The following PDE11A variants were observed in gnomAD, a reference collection of about 807,000 sequenced individuals.
The protein encoded by PDE11A is phosphodiesterase 11A, also known as dual 3',5'-cyclic-AMP and -GMP phosphodiesterase 11A.
A neutral mutation model predicts 100.5 loss-of-function variants in PDE11A; 100 were observed. The observed-to-expected ratio is 1.00, with a 90% CI of 0.85 to 1.18. PDE11A has a LOEUF of 1.18. Ranked by LOEUF, PDE11A falls within the 50% of genes most tolerant of loss-of-function variation. PDE11A has a pLI of 0.00. For missense variants in PDE11A, 1,141 were observed against 1,152.6 expected (o/e 0.99, Z 0.15); for synonymous variants, 381 against 420.8 (o/e 0.91, Z 1.16).
chr2:177,714,752 A>T (rs1471660798), intron 12 of PDE11A, among the ~76,000 whole-genome samples: 1 of 152,238 alleles, frequency 6.6e-6, no homozygotes, highest in Non-Finnish European at 1.5e-5. Flanking sequence ...TCCTGGAGTT[A>T]GGATTTCTGT....
In PDE11A at chr2:177,898,079, G is replaced by A; in HGVS notation, c.1281C>T (p.Leu427=). 1 of 1,612,494 alleles carries A rather than the reference G, an allele frequency of 6.2e-7. No homozygotes were observed. The change falls in exon 4 of 20, where the codon CTC becomes CTT. Residue 427 remains leucine (L), a synonymous_variant. Coordinates refer to ENST00000286063, the MANE Select transcript of PDE11A (RefSeq NM_016953.4). ...LLKCERCSVL[L]LEDIESPVVK... ...TTACTGGTGATTCGATGTCCTCTAG[G>A]AGTAAAACAGAACAGCGTTCACATT...
rs1227675983 is a variant in PDE11A, at chr2:177,960,653, CCAAGT to C, written c.1071+53644_1071+53648del. On this transcript the variant is annotated intron_variant, in intron 2 of 19. Coordinates refer to ENST00000286063, the MANE Select transcript of PDE11A (RefSeq NM_016953.4). ...ATAATTGTCTAAAACAGAAAAGCTG[CCAAGT>C]CAAGAAGAAAAAAAAATGAAGCACA... Among the ~76,000 whole-genome samples the C allele has an allele frequency of 4.0e-5, 6 of 150,994 alleles. No individual in the cohort carries two copies. The South Asian group carries it at 6.4e-4, about 16-fold the overall frequency.
rs188390229 is a variant in PDE11A, at chr2:177,670,177, C to T, written c.2488-610G>A. ...CATAGCAGACTTTTACAGTAGGTCA[C>T]GGTATAGTTTGAAGAGCATGACTTG... On this transcript the variant is annotated intron_variant, in intron 17 of 19. Coordinates refer to ENST00000286063, the MANE Select transcript of PDE11A (RefSeq NM_016953.4). 2.0e-4 allele frequency among the ~76,000 whole-genome samples: 30 copies of T among 152,232 alleles called. No homozygotes were observed. The East Asian group carries it at 3.7e-3, about 19-fold the overall frequency.
chr2:177,664,126 T>C (rs2080532446), intron 18 of PDE11A, among the ~76,000 whole-genome samples, 177 bp from the exon 19 acceptor site: 1 of 152,212 alleles, frequency 6.6e-6, no homozygotes, highest in South Asian at 2.1e-4. Context: ...ATAAAATGTT[T>C]TTACCTCTTT....
intron 2 of PDE11A, among the ~76,000 whole-genome samples, chr2:177,971,450 C>G (rs1437373726): frequency 6.6e-6 from 1 of 152,156 alleles, no homozygotes; most frequent in African/African-American, 2.4e-5. Flanking sequence ...AGCAATTATC[C>G]TACCTCCACA....
chr2:178,035,826 A>T (rs972703613), intron 1 of PDE11A, among the ~76,000 whole-genome samples: 2 of 152,216 alleles, frequency 1.3e-5, no homozygotes, highest in African/African-American at 4.8e-5. Context: ...AAAATTCAAC[A>T]GCCCTTACGC....
rs9288007 is a variant in PDE11A at position 177,665,309 on chromosome 2, CAAAAAAA to C, written c.2563-1367_2563-1361del. Among the ~76,000 whole-genome samples the C allele has an allele frequency of 7.5e-4, 84 of 112,432 alleles. 1 individual carries two copies. The highest frequency in any genetic ancestry group is 2.6e-3 in the African/African-American group (77 of 29,456). 73.8% of individuals were successfully genotyped at this position (112,432 alleles called of 152,430 possible). A position where few individuals can be genotyped will look rare whatever the true frequency, so the allele number is the denominator to read the frequency against. On this transcript the variant is annotated intron_variant, in intron 18 of 19. Transcript: ENST00000286063. Reference sequence around the variant, plus strand: ...CAACAGAGTGAAGCCCCTGTCCCTACAAAAAAAAAAAAAAAAAAAAATTAGCCAACTG... The same window carrying C: ...CAACAGAGTGAAGCCCCTGTCCCTACAAAAAAAAAAAAAATTAGCCAACTG...
intron 2 of PDE11A, among the ~76,000 whole-genome samples, chr2:177,912,253 G>A (rs141239795): frequency 6.6e-6 from 1 of 152,240 alleles, no homozygotes; most frequent in East Asian, 1.9e-4. Context: ...AAATTGAGGT[G>A]CTTCTACTTC....
chr2:177,742,380 C>G (rs182037409), intron 10 of PDE11A, among the ~76,000 whole-genome samples: 2 of 152,102 alleles, frequency 1.3e-5, no homozygotes, highest in Non-Finnish European at 2.9e-5. Context: ...TCTCTATTGC[C>G]CCTGATGAAG....
At chr2:178,070,940 A>G (rs1343825714) in intron 1 of PDE11A, among the ~76,000 whole-genome samples, 1 of 152,172 alleles carries the variant, frequency 6.6e-6, no homozygotes, top group African/African-American at 2.4e-5. Context: ...AGAAGGCACA[A>G]GTGAGTCACA....
intron 13 of PDE11A, among the ~76,000 whole-genome samples, chr2:177,704,848 C>T (rs2081255727): frequency 6.6e-6 from 1 of 151,042 alleles, no homozygotes; most frequent in South Asian, 2.1e-4. Flanking sequence ...ATTGTGAAAC[C>T]TCTTTTTTTT....
At chr2:177,824,005 G>T (rs1170356366) in intron 6 of PDE11A, among the ~76,000 whole-genome samples, 1 of 152,206 alleles carries the variant, frequency 6.6e-6, no homozygotes, top group African/African-American at 2.4e-5. Context: ...GAAGCTGGTG[G>T]TGAGAAAAAC....
chr2:177,934,234 A>C (rs1206651358), intron 2 of PDE11A, among the ~76,000 whole-genome samples: 1 of 152,240 alleles, frequency 6.6e-6, no homozygotes, highest in Non-Finnish European at 1.5e-5. Flanking sequence ...CAAACTATGC[A>C]TCAGACAAAG....
At chr2:177,711,666 C>A (rs2081360584) in intron 13 of PDE11A, 103 bp downstream of exon 13, 2 of 743,124 alleles carry the variant, frequency 2.7e-6, no homozygotes, top group Admixed American at 4.0e-5. Flanking sequence ...ATGGCCTTGG[C>A]CTCGGATGCC....
rs2084780704 is a variant in PDE11A, at chr2:177,906,070, T to C, written c.1072-883A>G. Among the ~76,000 whole-genome samples, 3 of 152,146 alleles carry C rather than the reference T, an allele frequency of 2.0e-5. No individual in the cohort carries two copies. The South Asian group carries it at 6.2e-4, about 32-fold the overall frequency. On this transcript the variant is annotated intron_variant, in intron 2 of 19. Transcript: ENST00000286063. Reference sequence around the variant, plus strand: ...AACTATTTCCCTAAATTCTTCGCAATGTAGATGAAACAAGTGACATACTTG... The same window carrying C: ...AACTATTTCCCTAAATTCTTCGCAACGTAGATGAAACAAGTGACATACTTG...
intron 5 of PDE11A, among the ~76,000 whole-genome samples, chr2:177,865,855 A>G (rs1053023540): frequency 6.6e-6 from 1 of 152,136 alleles, no homozygotes; most frequent in Admixed American, 6.5e-5. Context: ...GGAGGAGGGA[A>G]GAGAGGGGAG....
At chr2:177,856,511 C>A (rs148470386) in intron 5 of PDE11A, among the ~76,000 whole-genome samples, 1 of 151,760 alleles carries the variant, frequency 6.6e-6, no homozygotes, top group African/African-American at 2.4e-5. Context: ...TACATACATT[C>A]AAAATACTAA....
At chr2:178,080,268 T>C (rs2087267210) in intron 2 of PDE11A, among the ~76,000 whole-genome samples, 1 of 152,208 alleles carries the variant, frequency 6.6e-6, no homozygotes, top group Admixed American at 6.5e-5. Flanking sequence ...CTAGGGTTTT[T>C]ATGGTTTTGG....
At chr2:177,692,817 A>G (rs2081059661) in intron 15 of PDE11A, among the ~76,000 whole-genome samples, 2 of 152,220 alleles carry the variant, frequency 1.3e-5, no homozygotes, top group South Asian at 4.1e-4. Flanking sequence ...CAAGGTCTTT[A>G]GAAATTAAAG....
Sources: allele counts gnomAD v4.1 joint callset (sites outside exome capture counted in the v4.1 genomes callset), GRCh38; gene constraint gnomAD v4.1.1; transcripts MANE v1.5; gene names NCBI Gene and HGNC (gene_info 2026-07-23, HGNC 2026-07-21).